CEP63: variants seen among roughly 807,000 people sequenced by gnomAD.
CEP63 encodes centrosomal protein 63, also known as centrosomal protein of 63 kDa.
Under a neutral mutation model 89.1 loss-of-function variants are expected in CEP63, and 84 were observed. The ratio of observed to expected loss-of-function variants is 0.94; its 90% CI spans 0.79 to 1.13. The LOEUF (loss-of-function observed/expected upper bound fraction) is 1.13. Ranked by LOEUF, CEP63 falls within the 50% of genes most tolerant of loss-of-function variation. The pLI, the probability that CEP63 is intolerant of heterozygous loss-of-function variation, is 0.00. For synonymous variants in CEP63, 267 were observed against 272.5 expected, an observed-to-expected ratio of 0.98 and a Z score of 0.20; for missense variants, 838 against 813.3, an observed-to-expected ratio of 1.03 and a Z score of -0.37.
At chr3:134,773,002 G>A in the CEP63 span, among the ~76,000 whole-genome samples, 954 of 152,298 alleles carry the variant, frequency 6.3e-3, 10 homozygotes, top group African/African-American at 0.021. Flanking sequence ...TACAAATTCC[G>A]AAGCATGGGA....
At chr3:134,733,912 A>C in the CEP63 span, among the ~76,000 whole-genome samples, 2 of 151,618 alleles carry the variant, frequency 1.3e-5, no homozygotes, top group Non-Finnish European at 1.5e-5. Context: ...ATAAAGCTCA[A>C]ATCCAAAAGC....
chr3:134,615,930 G>A, the CEP63 span, among the ~76,000 whole-genome samples: 15 of 152,192 alleles, frequency 9.9e-5, no homozygotes, highest in Admixed American at 9.8e-4. Flanking sequence ...ACATCTGATT[G>A]GTGACAACCA....
chr3:134,549,119 T>C lies in CEP63; in HGVS notation c.1125T>C (p.Tyr375=), dbSNP rs753579827. 5 of 1,613,620 alleles carry C rather than the reference T, an allele frequency of 3.1e-6. No individual in the cohort carries two copies. Among genetic ancestry groups the C allele is most frequent in the Non-Finnish European group, 2.5e-6 (3 of 1,179,642 alleles). Residue 375 remains tyrosine (Y), a synonymous_variant, in exon 10 of 15, where the codon TAT becomes TAC. Coordinates refer to ENST00000675561, the MANE Select transcript of CEP63 (RefSeq NM_001353108.3). ...TGAGCCAAGAACTAATGGAAAAATATGAAGAACTGAAGAGGATGGAAGCAC... is the reference window on the plus strand; with the variant it reads ...TGAGCCAAGAACTAATGGAAAAATACGAAGAACTGAAGAGGATGGAAGCAC... The part of the protein sequence containing the change: ...KQLSQELMEK[Y]EELKRMEAHN...
At chr3:134,544,051 C>G (rs991240366) in intron 6 of CEP63, among the ~76,000 whole-genome samples, 1 of 151,784 alleles carries the variant, frequency 6.6e-6, no homozygotes, top group Non-Finnish European at 1.5e-5. Context: ...CTCCTACCCT[C>G]TCTCTGGCTT....
the CEP63 span, among the ~76,000 whole-genome samples, chr3:134,740,522 C>T: frequency 1.3e-5 from 2 of 152,230 alleles, no homozygotes; most frequent in South Asian, 4.1e-4. Flanking sequence ...TGGTCTCGAT[C>T]TCCTGACCTC....
the CEP63 span, among the ~76,000 whole-genome samples, chr3:134,625,515 A>G: frequency 6.6e-6 from 1 of 152,248 alleles, no homozygotes; most frequent in Non-Finnish European, 1.5e-5. Flanking sequence ...TTTCCCAGGA[A>G]TGAATGCTCT....
At chr3:134,610,693 G>A in the CEP63 span, 87,736 of 255,418 alleles carry the variant, frequency 0.34, 15,719 homozygotes, top group Non-Finnish European at 0.37. Flanking sequence ...TGCTTGACAC[G>A]CTCCTCAAGC....
the CEP63 span, among the ~76,000 whole-genome samples, chr3:134,696,408 G>C: frequency 6.6e-6 from 1 of 152,202 alleles, no homozygotes; most frequent in Non-Finnish European, 1.5e-5. Context: ...TTGACAGTGA[G>C]TGTAACAGGA....
At chr3:134,591,132 C>T (rs973582311), downstream of CEP63, among the ~76,000 whole-genome samples, 2 of 152,192 alleles carry the variant, frequency 1.3e-5, no homozygotes, top group Non-Finnish European at 2.9e-5. Context: ...TCTACTCTCA[C>T]CCTTGATTGA....
intron 6 of CEP63, among the ~76,000 whole-genome samples, chr3:134,543,886 A>G (rs1286082564): frequency 6.6e-6 from 1 of 152,054 alleles, no homozygotes; most frequent in African/African-American, 2.4e-5. Flanking sequence ...AGACAGTTCC[A>G]TGCTTAGCAG....
chr3:134,510,931 C>T (rs763434617), intron 3 of CEP63: 37 of 187,452 alleles, frequency 2.0e-4, no homozygotes, highest in Non-Finnish European at 2.8e-4. Context: ...GAGGATGTCT[C>T]CTCAGAACTT....
intron 3 of CEP63, among the ~76,000 whole-genome samples, chr3:134,521,917 G>C (rs532190412): frequency 6.6e-6 from 1 of 152,204 alleles, no homozygotes; most frequent in South Asian, 2.1e-4. Flanking sequence ...TTTGAGGATG[G>C]ACTTTTTGCA....
the CEP63 span, among the ~76,000 whole-genome samples, chr3:134,761,334 C>T: frequency 6.6e-6 from 1 of 152,158 alleles, no homozygotes; most frequent in Non-Finnish European, 1.5e-5. Context: ...TGAGAGAGAA[C>T]CTGGTGTGGA....
chr3:134,767,626 G>A, the CEP63 span, among the ~76,000 whole-genome samples: 1 of 152,212 alleles, frequency 6.6e-6, no homozygotes, highest in African/African-American at 2.4e-5. Context: ...AGGTGAAGTA[G>A]CAAGTCCTGC....
In CEP63 at chr3:134,486,148, T is replaced by G. The variant is rs1037628301; in HGVS notation, c.-80T>G. 1 of 985,470 alleles carries G rather than the reference T, an allele frequency of 1.0e-6. No homozygotes were observed. Among genetic ancestry groups the G allele is most frequent in the Non-Finnish European group, 1.2e-6 (1 of 830,048 alleles). 61.0% of individuals were successfully genotyped at this position (985,470 alleles called of 1,614,324 possible). The stretch of plus-strand genomic sequence containing the variant: ...CAGTGGGCGGAACAAACGCGCCGAC[T>G]ACAGAGGCTGGACGTAAGCTTAGCG... On this transcript the variant is annotated 5_prime_UTR_variant, in exon 1 of 15. Transcript: ENST00000675561.
At chr3:134,715,161 A>G in the CEP63 span, among the ~76,000 whole-genome samples, 1 of 152,096 alleles carries the variant, frequency 6.6e-6, no homozygotes. Context: ...TTCTTGTCCA[A>G]TTATCAGGAT....
At chr3:134,751,265 C>A in the CEP63 span, among the ~76,000 whole-genome samples, 3 of 152,082 alleles carry the variant, frequency 2.0e-5, no homozygotes, top group African/African-American at 7.2e-5. Flanking sequence ...AAGTACATAC[C>A]ACTTTTCATT....
chr3:134,508,606 T>G (rs1260144274), intron 3 of CEP63, among the ~76,000 whole-genome samples: 2 of 152,232 alleles, frequency 1.3e-5, no homozygotes, highest in Non-Finnish European at 2.9e-5. Flanking sequence ...GTGATTATGA[T>G]AATATTTAGT....
the CEP63 span, among the ~76,000 whole-genome samples, chr3:134,771,718 C>T: frequency 3.3e-5 from 5 of 152,142 alleles, no homozygotes; most frequent in East Asian, 1.9e-4. Flanking sequence ...CAAACCACCA[C>T]GGCACGTGTA....
Sources: allele counts gnomAD v4.1 joint callset (sites outside exome capture counted in the v4.1 genomes callset), GRCh38; gene constraint gnomAD v4.1.1; transcripts MANE v1.5; gene names NCBI Gene and HGNC (gene_info 2026-07-23, HGNC 2026-07-21).